PDE1A: variants seen among roughly 807,000 people sequenced by gnomAD.
The protein encoded by PDE1A is dual specificity calcium/calmodulin-dependent 3',5'-cyclic nucleotide phosphodiesterase 1A.
A neutral mutation model predicts 61.7 loss-of-function variants in PDE1A; 35 were observed. The ratio of observed to expected loss-of-function variants is 0.57; its 90% CI spans 0.43 to 0.75. PDE1A has a LOEUF of 0.75. PDE1A is among the 30% of genes least tolerant of loss of function. The pLI, the probability that PDE1A is intolerant of heterozygous loss-of-function variation, is 0.00. For missense variants in PDE1A, 597 were observed against 630.6 expected (o/e 0.95, Z 0.57); for synonymous variants, 232 against 213.2 (o/e 1.09, Z -0.77).
chr2:182,163,220 T>C (rs1047426967), downstream of PDE1A, among the ~76,000 whole-genome samples: 2 of 152,180 alleles, frequency 1.3e-5, no homozygotes, highest in Non-Finnish European at 2.9e-5. Flanking sequence ...TTGAACACAT[T>C]AACACATCTG....
the PDE1A span, among the ~76,000 whole-genome samples, chr2:182,650,496 T>C: frequency 6.6e-6 from 1 of 152,202 alleles, no homozygotes; most frequent in Non-Finnish European, 1.5e-5. Context: ...CCCTCCTATA[T>C]ACATTTCATG....
At chr2:182,663,368 T>C in the PDE1A span, among the ~76,000 whole-genome samples, 4 of 152,156 alleles carry the variant, frequency 2.6e-5, no homozygotes, top group African/African-American at 9.6e-5. Flanking sequence ...AAAGACACAT[T>C]CATGCAATTG....
the PDE1A span, among the ~76,000 whole-genome samples, chr2:182,646,312 C>T: frequency 7.0e-6 from 1 of 143,446 alleles, no homozygotes; most frequent in African/African-American, 2.6e-5. Flanking sequence ...AAAAAATGGG[C>T]ATAGTGGTGC....
At chr2:182,249,240 T>A (rs1691213265) in intron 2 of PDE1A, among the ~76,000 whole-genome samples, 1 of 152,196 alleles carries the variant, frequency 6.6e-6, no homozygotes, top group African/African-American at 2.4e-5. Context: ...CTGGGTCCCT[T>A]GAGAGGAAAG....
At chr2:182,397,347 T>G (rs1701764922) in intron 1 of PDE1A, among the ~76,000 whole-genome samples, 1 of 152,178 alleles carries the variant, frequency 6.6e-6, no homozygotes. Context: ...TCATATTGTT[T>G]AATCCTGTAT....
chr2:182,676,673 C>T, the PDE1A span, among the ~76,000 whole-genome samples: 1 of 152,128 alleles, frequency 6.6e-6, no homozygotes, highest in Admixed American at 6.5e-5. Flanking sequence ...CAATAAAATA[C>T]TTTCCAGCCG....
chr2:182,483,962 T>C (rs1156792578), intron 2 of PDE1A, among the ~76,000 whole-genome samples: 1 of 150,616 alleles, frequency 6.6e-6, no homozygotes, highest in Non-Finnish European at 1.5e-5. Flanking sequence ...AAAAGAACTA[T>C]AAGAGAATAT....
intron 7 of PDE1A, among the ~76,000 whole-genome samples, chr2:182,211,409 G>A (rs2125532494): frequency 6.6e-6 from 1 of 152,174 alleles, no homozygotes; most frequent in African/African-American, 2.4e-5. Flanking sequence ...ACACTGTCTT[G>A]ATTACTGTGG....
At chr2:182,293,312 A>T (rs547637564) in intron 1 of PDE1A, among the ~76,000 whole-genome samples, 1 of 152,156 alleles carries the variant, frequency 6.6e-6, no homozygotes, top group East Asian at 1.9e-4. Context: ...TAAAACTTAC[A>T]TTCAAGAAAA....
chr2:182,502,436 C>T (rs530307183), intron 2 of PDE1A, among the ~76,000 whole-genome samples: 2 of 152,210 alleles, frequency 1.3e-5, no homozygotes, highest in South Asian at 4.1e-4. Context: ...AGCCCTCGAT[C>T]CTCTTCTCAC....
At chr2:182,515,311 G>A (rs1690064189) in intron 2 of PDE1A, among the ~76,000 whole-genome samples, 1 of 152,152 alleles carries the variant, frequency 6.6e-6, no homozygotes, top group Middle Eastern at 3.4e-3. Flanking sequence ...GTCTAACATT[G>A]TACCTGACAC....
the PDE1A span, among the ~76,000 whole-genome samples, chr2:182,667,724 A>G: frequency 4.6e-5 from 7 of 152,194 alleles, no homozygotes; most frequent in Non-Finnish European, 1.0e-4. Context: ...AACAGAAGAG[A>G]TTCTGTCACA....
intron 8 of PDE1A, 57 bp downstream of exon 8, chr2:182,205,883 G>T (rs544719832): frequency 1.4e-6 from 2 of 1,468,870 alleles, no homozygotes; most frequent in East Asian, 2.3e-5. Flanking sequence ...ACTTTAAATC[G>T]CATAATTTAT....
the PDE1A span, among the ~76,000 whole-genome samples, chr2:182,690,311 C>T: frequency 6.6e-6 from 1 of 152,182 alleles, no homozygotes; most frequent in Non-Finnish European, 1.5e-5. Context: ...TCCAGCACGA[C>T]ATCAAAAAGC....
intron 3 of PDE1A, among the ~76,000 whole-genome samples, chr2:182,239,419 G>A (rs964871833): frequency 5.9e-5 from 9 of 151,902 alleles, no homozygotes; most frequent in Admixed American, 5.2e-4. Context: ...CTATTTTGGC[G>A]AGTCTTTTGT....
chr2:182,558,360 C>A, the PDE1A span, among the ~76,000 whole-genome samples: 1 of 151,846 alleles, frequency 6.6e-6, no homozygotes, highest in African/African-American at 2.4e-5. Flanking sequence ...TTGATCTTCC[C>A]AAATTTATGT....
chr2:182,365,253 T>C (rs1699771749), intron 1 of PDE1A, among the ~76,000 whole-genome samples: 2 of 152,044 alleles, frequency 1.3e-5, no homozygotes, highest in African/African-American at 2.4e-5. Context: ...AAATGTGCAG[T>C]TGCAATCATC....
At chr2:182,157,911 T>G (rs1691184903) in intron 13 of PDE1A, among the ~76,000 whole-genome samples, 1 of 152,194 alleles carries the variant, frequency 6.6e-6, no homozygotes. Flanking sequence ...GCTATGTTGA[T>G]TGGGCCTAAG....
chr2:182,620,987 C>T, the PDE1A span, among the ~76,000 whole-genome samples: 3 of 152,264 alleles, frequency 2.0e-5, no homozygotes, highest in South Asian at 6.2e-4. Flanking sequence ...ATTCGCATTC[C>T]TGCCTACATG....
Sources: gnomAD v4.1 joint callset for allele counts (sites outside exome capture counted in the v4.1 genomes callset) on GRCh38, gnomAD v4.1.1 for gene constraint, MANE v1.5 for transcripts, NCBI Gene and HGNC (gene_info 2026-07-23, HGNC 2026-07-21) for gene names.